Variants in ZNF605 observed in about 807,000 individuals in gnomAD.
ZNF605 encodes zinc finger protein 605.
In ZNF605, 9 loss-of-function variants were observed where a neutral mutation model predicts 7.9. The observed-to-expected ratio is 1.14, with a 90% confidence interval of 0.68 to 1.98. The LOEUF is 1.98. Ranked by LOEUF, ZNF605 falls within the 30% of genes most tolerant of loss-of-function variation. ZNF605 has a pLI of 0.00. For synonymous variants in ZNF605, 255 were observed against 260.1 expected, an observed-to-expected ratio of 0.98 and a Z score of 0.19; for missense variants, 673 against 762.4, an observed-to-expected ratio of 0.88 and a Z score of 1.38.
intron 1 of ZNF605, among the ~76,000 whole-genome samples, chr12:132,949,610 G>A (rs896813815): frequency 2.0e-5 from 3 of 151,932 alleles, no homozygotes; most frequent in South Asian, 2.1e-4. Context: ...AGTGTAGCTC[G>A]CGCCTGGCAT....
In ZNF605 at chr12:132,925,326, T is replaced by C. The variant is rs747812706; in HGVS notation, c.*47A>G. ...ATGCATCCTCAAAAGTGTCAGAAAG[T>C]ATGACACTTGATAGCAACCTTTCTG... is the stretch of plus-strand genomic sequence containing the variant. On this transcript the variant is annotated 3_prime_UTR_variant, in exon 5 of 5. Coordinates refer to ENST00000360187, the MANE Select transcript of ZNF605 (RefSeq NM_183238.4). 1.3e-5 allele frequency: 18 copies of C among 1,406,456 alleles called. No individual in the cohort carries two copies. Among genetic ancestry groups the C allele is most frequent in the African/African-American group, 2.9e-5 (2 of 69,598 alleles). 87.1% of individuals were successfully genotyped at this position (1,406,456 alleles called of 1,614,324 possible). A position where few individuals can be genotyped will look rare whatever the true frequency, so the allele number is the denominator to read the frequency against.
At chr12:132,953,482 A>T (rs1952594714) in intron 1 of ZNF605, among the ~76,000 whole-genome samples, 1 of 152,200 alleles carries the variant, frequency 6.6e-6, no homozygotes, top group South Asian at 2.1e-4. Context: ...GCTGGAGTGC[A>T]GTGGCAAAAT....
intron 3 of ZNF605, among the ~76,000 whole-genome samples, chr12:132,934,509 C>A (rs1468199719): frequency 1.3e-5 from 2 of 151,774 alleles, no homozygotes; most frequent in East Asian, 3.9e-4. Context: ...AGTTGGAGAC[C>A]AGCCTGGCCA....
Position 132,925,936 on chromosome 12 carries a change from C to G in ZNF605, c.1363G>C (p.Gly455Arg). Residue 455 changes from glycine to arginine, a missense_variant, in exon 5 of 5, where the codon GGG (glycine) becomes CGG (arginine). Coordinates refer to ENST00000360187, the MANE Select transcript of ZNF605 (RefSeq NM_183238.4). Reference sequence around the variant, plus strand: ...CTTGACTTCTGGGTGAAGGCCTTCCCACACTCACTGCATTCATAAGGCTTC... The same window carrying G: ...CTTGACTTCTGGGTGAAGGCCTTCCGACACTCACTGCATTCATAAGGCTTC... ...GEKPYECSEC[G>R]KAFTQKSSLI... 1 of 1,614,184 alleles carries G rather than the reference C, an allele frequency of 6.2e-7. No homozygotes were observed. Among genetic ancestry groups the G allele is most frequent in the South Asian group, 1.1e-5 (1 of 91,078 alleles).
Position 132,936,519 on chromosome 12 carries a change from G to C in ZNF605, c.16-3364C>G, listed in dbSNP as rs952811591. Reference sequence around the variant, plus strand: ...CAACCACAGTAATTAAGGCAGGATGGCATTTGTGAAAGGATAAAAACACAA... The same window carrying C: ...CAACCACAGTAATTAAGGCAGGATGCCATTTGTGAAAGGATAAAAACACAA... On this transcript the variant is annotated intron_variant, in intron 3 of 4. Transcript: ENST00000360187. Among the ~76,000 whole-genome samples, 413 of 152,296 alleles carry C rather than the reference G, an allele frequency of 2.7e-3. 3 individuals are homozygous for C. The highest frequency in any genetic ancestry group is 9.5e-3 in the African/African-American group (395 of 41,562).
intron 3 of ZNF605, among the ~76,000 whole-genome samples, chr12:132,938,012 GCT>G (rs751474255): frequency 1.8e-4 from 27 of 152,090 alleles, no homozygotes; most frequent in Admixed American, 5.9e-4. Flanking sequence ...AGGGAGTCTC[GCT>G]CTGTCGCCCA....
intron 4 of ZNF605, among the ~76,000 whole-genome samples, chr12:132,928,687 C>T (rs940571354): frequency 7.2e-5 from 11 of 152,042 alleles, no homozygotes; most frequent in Admixed American, 5.9e-4. Context: ...AAGTACTCTG[C>T]GAGATGAAAA....
chr12:132,940,427 A>G (rs935971377), intron 3 of ZNF605, among the ~76,000 whole-genome samples: 5 of 152,226 alleles, frequency 3.3e-5, no homozygotes, highest in Non-Finnish European at 5.9e-5. Context: ...TGTGGGCCTC[A>G]TGGAGGAAAA....
At chr12:132,951,279 TACACGTACACACAG>T (rs1190386152) in intron 1 of ZNF605, among the ~76,000 whole-genome samples, 26 of 147,136 alleles carry the variant, frequency 1.8e-4, no homozygotes, top group Admixed American at 2.7e-4. Context: ...CACACACAGA[TACACGTACACACAG>T]ACACGTACAC....
At chr12:132,955,622 C>G (rs765587922) in intron 1 of ZNF605, among the ~76,000 whole-genome samples, 39 of 152,052 alleles carry the variant, frequency 2.6e-4, no homozygotes, top group Non-Finnish European at 4.6e-4. Flanking sequence ...TCCAGGAGCA[C>G]AGGGCTCTGG....
chr12:132,954,485 G>C (rs1382842120), intron 1 of ZNF605, among the ~76,000 whole-genome samples: 3 of 125,924 alleles, frequency 2.4e-5, no homozygotes, highest in Non-Finnish European at 5.4e-5. Flanking sequence ...AGGGGCTTCT[G>C]TCCTGGGACG....
chr12:132,937,516 G>GAC (rs151320663), intron 3 of ZNF605, among the ~76,000 whole-genome samples: 1,982 of 148,484 alleles, frequency 0.013, 19 homozygotes, highest in African/African-American at 0.034. Flanking sequence ...CACACACACA[G>GAC]ACACACACAC....
Position 132,952,997 on chromosome 12 carries a change from C to T in ZNF605, c.-286+3246G>A, listed in dbSNP as rs111639600. Among the ~76,000 whole-genome samples, 1,496 of 152,210 alleles carry T rather than the reference C, an allele frequency of 9.8e-3. 15 individuals carry two copies. Among genetic ancestry groups the T allele is most frequent in the African/African-American group, 0.031 (1,296 of 41,522 alleles). ...ACCCCAGACACAAACCACTGAACTC[C>T]GCAGCTCCAAGCCCCTGCCAACCTC... is the stretch of plus-strand genomic sequence containing the variant. On this transcript the variant is annotated intron_variant, in intron 1 of 4. Coordinates refer to ENST00000360187, the MANE Select transcript of ZNF605 (RefSeq NM_183238.4).
chr12:132,947,705 C>T (rs2137158747), intron 2 of ZNF605, among the ~76,000 whole-genome samples: 1 of 152,142 alleles, frequency 6.6e-6, no homozygotes, highest in South Asian at 2.1e-4. Context: ...AGGTTTATTT[C>T]CCCAAATAAT....
At chr12:132,940,837 G>A (rs1229147225) in intron 3 of ZNF605, among the ~76,000 whole-genome samples, 1 of 152,130 alleles carries the variant, frequency 6.6e-6, no homozygotes, top group African/African-American at 2.4e-5. Context: ...GGGTACGACT[G>A]ATCCTGTCGC....
Position 132,933,282 on chromosome 12 carries a change from C to A in ZNF605, c.16-127G>T. The A allele has an allele frequency of 9.3e-7, 1 of 1,074,406 alleles. No homozygotes were observed. The highest frequency in any genetic ancestry group is 1.3e-6 in the Non-Finnish European group (1 of 766,176). The allele number at this position is 1,074,406 out of a possible 1,614,324, so 66.6% of individuals were successfully genotyped here. ...GTGACCTCTGACTCCGGTATTCATG[C>A]TTTTGCATAATCCTCCCCTCTTGAC... On this transcript the variant is annotated intron_variant, in intron 3 of 4. Transcript: ENST00000360187. This position sits in a 1 kb window ranked among gnomAD's most constrained non-coding sequence, Gnocchi z 4.4.
At chr12:132,936,019 C>T (rs1436053991) in intron 3 of ZNF605, among the ~76,000 whole-genome samples, 8 of 151,624 alleles carry the variant, frequency 5.3e-5, no homozygotes, top group African/African-American at 1.9e-4. Context: ...CGAGATGGCG[C>T]TACTGCACTC....
rs779341103 is a variant in ZNF605, at chr12:132,944,544, A to G, written c.15+1077T>C. On this transcript the variant is annotated intron_variant, in intron 3 of 4. Coordinates refer to ENST00000360187, the MANE Select transcript of ZNF605 (RefSeq NM_183238.4). The stretch of plus-strand genomic sequence containing the variant: ...AGTGGAGAGCATACTTATGGGGACC[A>G]TTTGAAGGTTTCGTAATGATCAATT... 2.8e-3 allele frequency among the ~76,000 whole-genome samples: 430 copies of G among 152,316 alleles called. 1 individual carries two copies. The highest frequency in any genetic ancestry group is 5.5e-3 in the Non-Finnish European group (376 of 68,030).
chr12:132,950,472 G>A (rs1593604007), intron 1 of ZNF605, among the ~76,000 whole-genome samples: 2 of 143,850 alleles, frequency 1.4e-5, no homozygotes, highest in East Asian at 4.3e-4. Context: ...CAGACACACA[G>A]ACATGCACAC....
Sources: allele counts gnomAD v4.1 joint callset (sites outside exome capture counted in the v4.1 genomes callset), GRCh38; gene constraint gnomAD v4.1.1; non-coding constraint Gnocchi (gnomAD v3.1); transcripts MANE v1.5; gene names NCBI Gene and HGNC (gene_info 2026-07-23, HGNC 2026-07-21).